The following PLEKHA5 variants were observed in gnomAD, a reference collection of about 807,000 sequenced individuals.
The protein encoded by PLEKHA5 is pleckstrin homology domain containing A5.
PLEKHA5 carries 55 observed loss-of-function variants against 181.9 expected under a neutral mutation model. The observed-to-expected ratio is 0.30, with a 90% confidence interval of 0.24 to 0.38. PLEKHA5 has a LOEUF of 0.38. PLEKHA5 is among the 10% of genes least tolerant of loss of function. PLEKHA5 has a pLI of 1.00. For missense variants in PLEKHA5, 1,432 were observed against 1,549.5 expected (o/e 0.92, Z 1.27); for synonymous variants, 535 against 529.4 (o/e 1.01, Z -0.15).
chr12:19,231,206 A>G (rs373252648), intron 3 of PLEKHA5, among the ~76,000 whole-genome samples: 2 of 152,254 alleles, frequency 1.3e-5, no homozygotes, highest in South Asian at 2.1e-4. Context: ...AACTGGTAAC[A>G]CTATCATATG....
intron 31 of PLEKHA5, among the ~76,000 whole-genome samples, chr12:19,374,333 G>T (rs569258792): frequency 1.6e-3 from 245 of 152,040 alleles, no homozygotes; most frequent in African/African-American, 5.7e-3. Context: ...CGTTGCCAGC[G>T]GTACATTTTT....
chr12:19,341,302 T>C (rs905380646), intron 21 of PLEKHA5, among the ~76,000 whole-genome samples: 3 of 151,974 alleles, frequency 2.0e-5, no homozygotes, highest in Admixed American at 6.6e-5. Context: ...AAAAGAAAAA[T>C]AGTTCAAAGT....
At chr12:19,208,031 C>T (rs1037137184) in intron 3 of PLEKHA5, among the ~76,000 whole-genome samples, 6 of 152,040 alleles carry the variant, frequency 3.9e-5, no homozygotes, top group African/African-American at 9.7e-5. Flanking sequence ...TCACAAGTTT[C>T]GACTCATTCT....
chr12:19,256,957 A>G (rs559181056), intron 5 of PLEKHA5, among the ~76,000 whole-genome samples: 2 of 152,156 alleles, frequency 1.3e-5, no homozygotes, highest in African/African-American at 4.8e-5. Context: ...TTTTGACTTG[A>G]TGTGATATAT....
At chr12:19,316,455 G>C (rs1049004701) in intron 16 of PLEKHA5, among the ~76,000 whole-genome samples, 1 of 152,132 alleles carries the variant, frequency 6.6e-6, no homozygotes, top group Non-Finnish European at 1.5e-5. Flanking sequence ...AGATGTCTGA[G>C]ACTGGCACAT....
At position 19,271,258 on chromosome 12, in the gene PLEKHA5, T is replaced by C. The variant is rs1206211294; in HGVS notation, c.845+1053T>C. On this transcript the variant is annotated intron_variant, in intron 10 of 31. Coordinates refer to ENST00000429027, the MANE Select transcript of PLEKHA5 (RefSeq NM_001256470.2). Reference sequence around the variant, plus strand: ...GAGCATGGTGGCTCACACCTGTAATTCTAGCACTTTGGGAGGTTGAGGGAT... The same window carrying C: ...GAGCATGGTGGCTCACACCTGTAATCCTAGCACTTTGGGAGGTTGAGGGAT... Among the ~76,000 whole-genome samples the C allele has an allele frequency of 2.0e-5, 3 of 152,146 alleles. No individual in the cohort carries two copies. In the East Asian group the frequency reaches 5.8e-4, roughly 29 times the overall value.
At chr12:19,320,104 TTTG>T in intron 17 of PLEKHA5, 48 bp downstream of exon 17, 1 of 697,860 alleles carries the variant, frequency 1.4e-6, no homozygotes, top group Non-Finnish European at 2.3e-6. Flanking sequence ...TGTTATAGGT[TTTG>T]TTAAGATGTG....
chr12:19,274,397 A>G, intron 10 of PLEKHA5, 119 bp from the exon 11 acceptor site: 1 of 650,268 alleles, frequency 1.5e-6, no homozygotes, highest in Non-Finnish European at 2.6e-6. Flanking sequence ...GTCCACTGTG[A>G]CCCTTTCCAG....
At chr12:19,358,561 A>T (rs1339360041) in intron 27 of PLEKHA5, 124 bp downstream of exon 27, 1 of 625,204 alleles carries the variant, frequency 1.6e-6, no homozygotes, top group Non-Finnish European at 2.8e-6. Context: ...TATATTATTT[A>T]ATTCTCCTAA....
intron 3 of PLEKHA5, among the ~76,000 whole-genome samples, chr12:19,239,966 T>C (rs2062165431): frequency 1.3e-5 from 2 of 152,254 alleles, no homozygotes; most frequent in African/African-American, 4.8e-5. Context: ...ACATATAGAA[T>C]GAATAAAAGT....
At chr12:19,254,795 C>G (rs1279181783) in intron 4 of PLEKHA5, among the ~76,000 whole-genome samples, 1 of 152,150 alleles carries the variant, frequency 6.6e-6, no homozygotes, top group South Asian at 2.1e-4. Flanking sequence ...TGCACTGTAG[C>G]CTGAGCAACA....
chr12:19,291,838 G>C (rs747821912), intron 15 of PLEKHA5, 141 bp downstream of exon 15: 4 of 535,684 alleles, frequency 7.5e-6, no homozygotes, highest in Non-Finnish European at 1.3e-5. Flanking sequence ...TGAAATCTCT[G>C]ACCAGGTGGA....
At chr12:19,131,323 A>C (rs1313267177) in intron 2 of PLEKHA5, among the ~76,000 whole-genome samples, 2 of 152,214 alleles carry the variant, frequency 1.3e-5, no homozygotes, top group Non-Finnish European at 2.9e-5. Context: ...TAATGTCTCC[A>C]AATTTGCAAA....
At chr12:19,232,697 C>G (rs2060815714) in intron 3 of PLEKHA5, among the ~76,000 whole-genome samples, 1 of 152,078 alleles carries the variant, frequency 6.6e-6, no homozygotes, top group Admixed American at 6.5e-5. Flanking sequence ...TTAAATCATT[C>G]AACTCTTCCA....
chr12:19,298,443 G>A (rs1437338633), intron 15 of PLEKHA5, among the ~76,000 whole-genome samples: 1 of 112,944 alleles, frequency 8.9e-6, no homozygotes, highest in Non-Finnish European at 1.6e-5. Flanking sequence ...ACCTATCTCA[G>A]TGCTAACTGG....
chr12:19,250,269 A>AC (rs2064917106), intron 3 of PLEKHA5, among the ~76,000 whole-genome samples: 1 of 152,306 alleles, frequency 6.6e-6, no homozygotes, highest in East Asian at 1.9e-4. Context: ...TTGTTCTGTG[A>AC]CCATAGGTAT....
intron 3 of PLEKHA5, among the ~76,000 whole-genome samples, chr12:19,194,897 A>G (rs972760288): frequency 6.6e-6 from 1 of 152,212 alleles, no homozygotes; most frequent in Non-Finnish European, 1.5e-5. Flanking sequence ...AAGGGTTTAT[A>G]TCAAATATAC....
At chr12:19,194,022 A>G (rs549438359) in intron 3 of PLEKHA5, among the ~76,000 whole-genome samples, 113 of 152,302 alleles carry the variant, frequency 7.4e-4, no homozygotes, top group African/African-American at 2.5e-3. Context: ...ATCCACCGCC[A>G]TGACCCAAAC....
At chr12:19,165,205 T>C (rs1214830614) in intron 3 of PLEKHA5, among the ~76,000 whole-genome samples, 2 of 152,332 alleles carry the variant, frequency 1.3e-5, no homozygotes, top group East Asian at 3.9e-4. Context: ...CACCAGTGGA[T>C]ATATTGCAGG....
Sources: gnomAD v4.1 joint callset for allele counts (sites outside exome capture counted in the v4.1 genomes callset) on GRCh38, gnomAD v4.1.1 for gene constraint, MANE v1.5 for transcripts, NCBI Gene and HGNC (gene_info 2026-07-23, HGNC 2026-07-21) for gene names.